Variants in SHC3 observed in about 807,000 individuals in gnomAD.
SHC3 encodes SHC-transforming protein 3.
SHC3 carries 15 observed loss-of-function variants against 60.4 expected under a neutral mutation model. The ratio of observed to expected loss-of-function variants is 0.25; its 90% CI spans 0.17 to 0.38. SHC3 has a LOEUF of 0.38. Ranked by LOEUF, SHC3 falls within the 10% of genes least tolerant of loss-of-function variation. SHC3 has a pLI of 1.00. For missense variants in SHC3, 677 were observed against 786.1 expected, an observed-to-expected ratio of 0.86 and a Z score of 1.66; for synonymous variants, 294 against 325.9, an observed-to-expected ratio of 0.90 and a Z score of 1.05.
At chr9:89,150,349 TAAC>T (rs1826528565) in intron 1 of SHC3, among the ~76,000 whole-genome samples, 1 of 152,122 alleles carries the variant, frequency 6.6e-6, no homozygotes, top group South Asian at 2.1e-4. Flanking sequence ...CCATACCCCT[TAAC>T]AACCACTCCC....
chr9:89,048,141 G>A (rs894174988), intron 7 of SHC3, among the ~76,000 whole-genome samples: 4 of 151,794 alleles, frequency 2.6e-5, no homozygotes, highest in Admixed American at 1.3e-4. Context: ...CTACTCGGGA[G>A]GCTGAGACGA....
intron 11 of SHC3, among the ~76,000 whole-genome samples, chr9:89,032,589 G>A (rs1254775956): frequency 6.6e-6 from 1 of 152,194 alleles, no homozygotes; most frequent in Non-Finnish European, 1.5e-5. Flanking sequence ...GCTTCTCTTA[G>A]AGACCCAGCT....
intron 9 of SHC3, among the ~76,000 whole-genome samples, chr9:89,043,772 C>A (rs1824729724): frequency 1.3e-5 from 2 of 152,072 alleles, no homozygotes; most frequent in African/African-American, 4.8e-5. Context: ...CCTGCCTCAG[C>A]CTCCCGAGTA....
At chr9:89,055,719 C>G (rs1421014016) in intron 6 of SHC3, among the ~76,000 whole-genome samples, 1 of 152,180 alleles carries the variant, frequency 6.6e-6, no homozygotes, top group Non-Finnish European at 1.5e-5. Flanking sequence ...CAGATGCCAT[C>G]TTTTGCAAGT....
intron 9 of SHC3, among the ~76,000 whole-genome samples, chr9:89,044,870 T>C (rs893602820): frequency 1.3e-5 from 2 of 152,214 alleles, no homozygotes; most frequent in African/African-American, 2.4e-5. Context: ...GATTGTAAGA[T>C]GCAGAAGTGT....
chr9:89,060,028 A>C, intron 6 of SHC3, among the ~76,000 whole-genome samples: 1 of 145,702 alleles, frequency 6.9e-6, no homozygotes, highest in Admixed American at 6.8e-5. Flanking sequence ...GTGGTGGAAG[A>C]TGGTGGTGTT....
chr9:89,011,967 C>T lies in SHC3; in HGVS notation c.*1480G>A, dbSNP rs1050620390. On this transcript the variant is annotated 3_prime_UTR_variant, in exon 12 of 12. Transcript: ENST00000375835. ...TAGAACTTAGCAGTATTATTATCTG[C>T]CAGATTTTTCAGTCTCCTCATAACT... 2 of 152,236 alleles carry T rather than the reference C, an allele frequency of 1.3e-5. No individual in the cohort carries two copies. Among genetic ancestry groups the T allele is most frequent in the Non-Finnish European group, 2.9e-5 (2 of 68,064 alleles). 9.4% of individuals were successfully genotyped at this position (152,236 alleles called of 1,614,324 possible).
intron 11 of SHC3, among the ~76,000 whole-genome samples, chr9:89,018,328 C>A (rs1826131317): frequency 6.6e-6 from 1 of 151,998 alleles, no homozygotes; most frequent in Non-Finnish European, 1.5e-5. Flanking sequence ...AGGATGAGTT[C>A]ATGTCCTTTG....
chr9:89,093,507 A>G (rs1444044891), intron 2 of SHC3, among the ~76,000 whole-genome samples: 1 of 151,998 alleles, frequency 6.6e-6, no homozygotes, highest in Non-Finnish European at 1.5e-5. Flanking sequence ...CAGCACATAC[A>G]AAATATGCAA....
intron 1 of SHC3, among the ~76,000 whole-genome samples, chr9:89,118,051 A>T (rs1016788918): frequency 1.3e-5 from 2 of 152,062 alleles, no homozygotes; most frequent in African/African-American, 4.8e-5. Flanking sequence ...AGAGATTTAA[A>T]ATCATTTTGT....
intron 1 of SHC3, among the ~76,000 whole-genome samples, chr9:89,158,592 C>T (rs1826661142): frequency 6.6e-6 from 1 of 152,092 alleles, no homozygotes; most frequent in East Asian, 1.9e-4. Flanking sequence ...CTAGTAGTTC[C>T]ATCAATGGCT....
In SHC3 at chr9:89,095,822, G is replaced by A. The variant is rs529658266; in HGVS notation, c.545+16734C>T. On this transcript the variant is annotated intron_variant, in intron 2 of 11. Coordinates refer to ENST00000375835, the MANE Select transcript of SHC3 (RefSeq NM_016848.6). ...ATTCTGAGCAAAATTAGTACCTCCA[G>A]TATTCCAAATTCATCATCATTTTGC... is the stretch of plus-strand genomic sequence containing the variant. 5.9e-5 allele frequency among the ~76,000 whole-genome samples: 9 copies of A among 152,192 alleles called. No individual in the cohort carries two copies. The South Asian group carries it at 1.9e-3, about 32-fold the overall frequency.
chr9:89,159,494 G>A (rs998515265), intron 1 of SHC3, among the ~76,000 whole-genome samples: 3 of 152,158 alleles, frequency 2.0e-5, no homozygotes, highest in Admixed American at 6.5e-5. Flanking sequence ...CCGTTCTGCC[G>A]GGCTTGAGAG....
intron 6 of SHC3, among the ~76,000 whole-genome samples, chr9:89,058,785 G>C (rs1437577550): frequency 6.6e-6 from 1 of 150,652 alleles, no homozygotes; most frequent in African/African-American, 2.5e-5. Flanking sequence ...ATAGGATGTG[G>C]TGGAGGATGG....
At chr9:89,047,538 A>G (rs1824793799) in intron 7 of SHC3, among the ~76,000 whole-genome samples, 1 of 152,232 alleles carries the variant, frequency 6.6e-6, no homozygotes. Flanking sequence ...AAGTACTCGT[A>G]CGACTCAACA....
At chr9:89,059,767 T>C (rs200383843) in intron 6 of SHC3, among the ~76,000 whole-genome samples, 643 of 14,374 alleles carry the variant, frequency 0.045, 1 homozygote, top group East Asian at 0.1. Flanking sequence ...TGGTGGAGGA[T>C]GGTGGTGGAG....
intron 1 of SHC3, among the ~76,000 whole-genome samples, chr9:89,161,378 G>A (rs1266100231): frequency 2.0e-5 from 3 of 152,130 alleles, no homozygotes; most frequent in Admixed American, 2.0e-4. Context: ...CTGCTGTGAA[G>A]TCTCCCCAGA....
chr9:89,139,391 C>A (rs1388800343), intron 1 of SHC3, among the ~76,000 whole-genome samples: 2 of 151,712 alleles, frequency 1.3e-5, no homozygotes, highest in African/African-American at 4.8e-5. Flanking sequence ...CTTTATTACA[C>A]TTGGCCTGAT....
chr9:89,173,608 A>G (rs1826900798), intron 1 of SHC3, among the ~76,000 whole-genome samples: 1 of 152,150 alleles, frequency 6.6e-6, no homozygotes, highest in African/African-American at 2.4e-5. Flanking sequence ...GCCCCCATCC[A>G]AAGTCATCAC....
Sources: allele counts gnomAD v4.1 joint callset (sites outside exome capture counted in the v4.1 genomes callset), GRCh38; gene constraint gnomAD v4.1.1; transcripts MANE v1.5; gene names NCBI Gene and HGNC (gene_info 2026-07-23, HGNC 2026-07-21).